The following PDZD9 variants were observed in gnomAD, a reference collection of about 807,000 sequenced individuals.
PDZD9 encodes the protein PDZ domain-containing protein 9.
Under a neutral mutation model 16.3 loss-of-function variants are expected in PDZD9, and 13 were observed. That is an observed-to-expected ratio of 0.80 (90% CI 0.52 to 1.27). The LOEUF is 1.27. Among genes scored for constraint, PDZD9 ranks in the 50% most tolerant of loss-of-function variants. The pLI, the probability that PDZD9 is intolerant of heterozygous loss-of-function variation, is 0.00. For missense variants in PDZD9, 288 were observed against 310.9 expected, an observed-to-expected ratio of 0.93 and a Z score of 0.55; for synonymous variants, 120 against 111.0, an observed-to-expected ratio of 1.08 and a Z score of -0.51.
intron 1 of PDZD9, among the ~76,000 whole-genome samples, chr16:22,000,801 G>A: frequency 6.6e-6 from 1 of 151,310 alleles, no homozygotes; most frequent in South Asian, 2.1e-4. Context: ...TCCAGCCTGG[G>A]GGACAAAGCA....
In PDZD9 at chr16:21,984,141, C is replaced by T. The variant is rs1429737613; in HGVS notation, c.*126G>A. ...AAGAACATCTCTAAAGGCTTTATAA[C>T]GCAGTCATAAGAGAAGAGAATTGGT... On this transcript the variant is annotated 3_prime_UTR_variant, in exon 4 of 4. Coordinates refer to ENST00000424898, the MANE Select transcript of PDZD9 (RefSeq NM_001363519.1). The T allele has an allele frequency of 1.5e-5, 16 of 1,047,574 alleles. No homozygotes were observed. The highest frequency in any genetic ancestry group is 1.9e-5 in the Non-Finnish European group (14 of 732,434). The allele number at this position is 1,047,574 out of a possible 1,614,324, so 64.9% of individuals were successfully genotyped here.
At chr16:21,985,695 A>C (rs1316885745) in intron 3 of PDZD9, among the ~76,000 whole-genome samples, 2 of 152,214 alleles carry the variant, frequency 1.3e-5, no homozygotes, top group African/African-American at 4.8e-5. Flanking sequence ...TGCCCTGCTA[A>C]AAGGAAATAG....
chr16:21,980,585 C>CAG, downstream of PDZD9: 2 of 1,614,144 alleles, frequency 1.2e-6, no homozygotes, highest in Non-Finnish European at 1.7e-6. Flanking sequence ...TCAGTGGAGT[C>CAG]TTCTGAGTGT....
chr16:21,980,757 A>G, downstream of PDZD9: 1 of 1,593,866 alleles, frequency 6.3e-7, no homozygotes, highest in Non-Finnish European at 8.6e-7. Flanking sequence ...TAATGATCCA[A>G]TTTCAGAAGG....
chr16:21,999,973 G>A (rs1186664034), intron 1 of PDZD9, among the ~76,000 whole-genome samples: 4 of 152,292 alleles, frequency 2.6e-5, no homozygotes, highest in Admixed American at 2.6e-4. Flanking sequence ...CCTGGAAGGC[G>A]GGGGTTGCAG....
chr16:21,971,963 T>C, the PDZD9 span: 1 of 1,614,204 alleles, frequency 6.2e-7, no homozygotes, highest in Admixed American at 1.7e-5. Flanking sequence ...TTGTCCATGC[T>C]GCTTTTGTAG....
At chr16:21,984,777 AT>A in intron 3 of PDZD9, 117 bp from the exon 4 acceptor site, 1 of 698,290 alleles carries the variant, frequency 1.4e-6, no homozygotes, top group Non-Finnish European at 2.1e-6. Flanking sequence ...TAGCTTTAGC[AT>A]TACCTTTCTG....
chr16:21,998,869 C>T (rs76038400), intron 1 of PDZD9: 8 of 188,978 alleles, frequency 4.2e-5, no homozygotes, highest in East Asian at 2.6e-4. Context: ...TAAATACATG[C>T]AATCTCCTGT....
the PDZD9 span, among the ~76,000 whole-genome samples, chr16:21,967,218 G>C: frequency 1.3e-5 from 2 of 152,202 alleles, no homozygotes; most frequent in East Asian, 3.9e-4. Context: ...GACTTTCCAA[G>C]GTTACTCCAT....
At chr16:21,983,350 G>T, downstream of PDZD9, 1 of 543,920 alleles carries the variant, frequency 1.8e-6, no homozygotes. Context: ...CTGTTTAAGT[G>T]TTTTTCTTAC....
the PDZD9 span, among the ~76,000 whole-genome samples, chr16:21,968,852 A>G: frequency 6.6e-6 from 1 of 152,216 alleles, no homozygotes; most frequent in African/African-American, 2.4e-5. Flanking sequence ...TTTGTTTTGG[A>G]AAGCAGAATC....
At chr16:21,971,372 A>C in the PDZD9 span, among the ~76,000 whole-genome samples, 42 of 152,244 alleles carry the variant, frequency 2.8e-4, no homozygotes, top group Non-Finnish European at 5.3e-4. Context: ...GTAATTGGGT[A>C]TCTCTGGGAG....
chr16:21,986,912 C>T (rs976623535), intron 3 of PDZD9, among the ~76,000 whole-genome samples: 1 of 151,998 alleles, frequency 6.6e-6, no homozygotes, highest in Admixed American at 6.6e-5. Flanking sequence ...GTGCAAAGAC[C>T]CTGAGGCAAA....
the PDZD9 span, chr16:21,962,690 C>T: frequency 6.2e-7 from 1 of 1,606,772 alleles, no homozygotes; most frequent in Non-Finnish European, 8.5e-7. Context: ...GAGAGCATTA[C>T]AGCTATGTAG....
At chr16:21,976,408 AC>A in the PDZD9 span, 1 of 613,614 alleles carries the variant, frequency 1.6e-6, no homozygotes, top group South Asian at 2.2e-5. Flanking sequence ...ATAATTGTTA[AC>A]ATTTTGGCCA....
At chr16:21,967,994 T>G in the PDZD9 span, among the ~76,000 whole-genome samples, 2 of 151,798 alleles carry the variant, frequency 1.3e-5, no homozygotes, top group Non-Finnish European at 2.9e-5. Flanking sequence ...TAATTTCTTT[T>G]TATTCCTTTT....
chr16:21,969,308 CG>C, the PDZD9 span, among the ~76,000 whole-genome samples: 1 of 152,100 alleles, frequency 6.6e-6, no homozygotes. Flanking sequence ...CTGAGGCGGG[CG>C]GATCACCTGA....
chr16:21,964,399 T>C, the PDZD9 span, among the ~76,000 whole-genome samples: 2 of 152,158 alleles, frequency 1.3e-5, no homozygotes, highest in African/African-American at 4.8e-5. Flanking sequence ...ACAGTGATCC[T>C]TCTGACGTGA....
At chr16:21,976,710 TAA>T in the PDZD9 span, 1 of 152,782 alleles carries the variant, frequency 6.5e-6, no homozygotes, top group African/African-American at 2.4e-5. Flanking sequence ...CAAACAAACA[TAA>T]GTCAAACCAT....
Sources: allele counts gnomAD v4.1 joint callset (sites outside exome capture counted in the v4.1 genomes callset), GRCh38; gene constraint gnomAD v4.1.1; transcripts MANE v1.5; gene names NCBI Gene and HGNC (gene_info 2026-07-23, HGNC 2026-07-21).